Variants in ZC3H14 observed in about 807,000 individuals in gnomAD.
ZC3H14 encodes zinc finger CCCH-type containing 14.
A neutral mutation model predicts 92.4 loss-of-function variants in ZC3H14; 31 were observed. That is an observed-to-expected ratio of 0.34 (90% confidence interval 0.25 to 0.45). The LOEUF (loss-of-function observed/expected upper bound fraction) is 0.45, where lower values mean the gene tolerates loss of function less well. Among genes scored for constraint, ZC3H14 ranks in the 20% least tolerant of loss-of-function variants. The pLI, the probability that ZC3H14 is intolerant of heterozygous loss-of-function variation, is 1.00. For missense variants in ZC3H14, 781 were observed against 897.3 expected (o/e 0.87, Z 1.66); for synonymous variants, 321 against 300.9 (o/e 1.07, Z -0.69).
intron 9 of ZC3H14, among the ~76,000 whole-genome samples, chr14:88,579,200 T>A (rs1051343731): frequency 1.3e-5 from 2 of 152,210 alleles, no homozygotes; most frequent in African/African-American, 4.8e-5. Flanking sequence ...CATGAAACCT[T>A]ATGATTTCAG....
chr14:88,584,730 A>G (rs915025312), intron 9 of ZC3H14, among the ~76,000 whole-genome samples: 13 of 152,186 alleles, frequency 8.5e-5, no homozygotes, highest in Admixed American at 5.9e-4. Flanking sequence ...CAGTTCTTGC[A>G]TATTTTTCAT....
At position 88,578,113 on chromosome 14, in the gene ZC3H14, A is replaced by G; in HGVS notation, c.1252A>G (p.Lys418Glu). The G allele has an allele frequency of 6.2e-7, 1 of 1,614,140 alleles. No homozygotes were observed. Among genetic ancestry groups the G allele is most frequent in the Non-Finnish European group, 8.5e-7 (1 of 1,180,022 alleles). ...TCCCCCCATTAAAGAAGAGGAAACAAAAGGAGATTCTGTAGAAAAAAATCA... is the reference window on the plus strand; with the variant it reads ...TCCCCCCATTAAAGAAGAGGAAACAGAAGGAGATTCTGTAGAAAAAAATCA... ...ISPPIKEEET[K>E]GDSVEKNQGT... Residue 418 changes from lysine (K) to glutamate (E), a missense_variant, in exon 9 of 17, where the codon AAA becomes GAA. Coordinates refer to ENST00000251038, the MANE Select transcript of ZC3H14 (RefSeq NM_024824.5).
In ZC3H14 at chr14:88,625,566, TA is replaced by T; in HGVS notation, c.*13817del. The T allele has an allele frequency of 6.4e-6, 1 of 156,044 alleles. No homozygotes were observed. The allele number at this position is 156,044 out of a possible 1,614,324, so 9.7% of individuals were successfully genotyped here. A position where few individuals can be genotyped will look rare whatever the true frequency, so the allele number is the denominator to read the frequency against. ...ACAAGCGCCAGCCACCACGCCCGGC[TA>T]ATTTTTGTATTTTTAGTAGAGACAG... On this transcript the variant is annotated 3_prime_UTR_variant, in exon 17 of 17. Coordinates refer to ENST00000251038, the MANE Select transcript of ZC3H14 (RefSeq NM_024824.5).
At chr14:88,579,134 C>T (rs2081566132) in intron 9 of ZC3H14, among the ~76,000 whole-genome samples, 1 of 152,022 alleles carries the variant, frequency 6.6e-6, no homozygotes, top group African/African-American at 2.4e-5. Context: ...TTTTCAAGAA[C>T]CTTGGAATAT....
At chr14:88,575,987 T>TTA in intron 8 of ZC3H14, 47 bp downstream of exon 8, 2 of 1,483,818 alleles carry the variant, frequency 1.3e-6, no homozygotes, top group South Asian at 2.3e-5. Flanking sequence ...ATTTCTGTAA[T>TTA]TCTTGAGTAA....
At chr14:88,589,521 C>T (rs891108162) in intron 9 of ZC3H14, 1 of 152,170 alleles carries the variant, frequency 6.6e-6, no homozygotes, top group Non-Finnish European at 1.5e-5. Flanking sequence ...CTGAATTCCT[C>T]ATTTCTGTCC....
intron 1 of ZC3H14, 150 bp downstream of exon 1, chr14:88,563,319 G>A: frequency 6.6e-7 from 1 of 1,514,338 alleles, no homozygotes; most frequent in Non-Finnish European, 8.8e-7. Context: ...CGTCCAGGCC[G>A]CCTCGGCCCT....
At position 88,616,863 on chromosome 14, in the gene ZC3H14, C is replaced by T. The variant is rs1595176649; in HGVS notation, c.*5112C>T. ...GCATGTCTGGACCAGATTCCCAAAA[C>T]CTCATCTCCTAGAATACTAGAGGGA... On this transcript the variant is annotated 3_prime_UTR_variant, in exon 17 of 17. Transcript: ENST00000251038. 6.2e-7 allele frequency: 1 copy of T among 1,613,776 alleles called. No individual in the cohort carries two copies. The highest frequency in any genetic ancestry group is 8.5e-7 in the Non-Finnish European group (1 of 1,179,776).
At chr14:88,577,624 C>T (rs1380910454) in intron 8 of ZC3H14, among the ~76,000 whole-genome samples, 4 of 151,712 alleles carry the variant, frequency 2.6e-5, no homozygotes, top group South Asian at 2.1e-4. Flanking sequence ...CTGGAGTGCA[C>T]AGTGGTGCAA....
chr14:88,624,921 A>T lies in ZC3H14; in HGVS notation c.*13170A>T. 6.3e-7 allele frequency: 1 copy of T among 1,597,620 alleles called. No individual in the cohort carries two copies. The highest frequency in any genetic ancestry group is 8.5e-7 in the Non-Finnish European group (1 of 1,171,080). ...ACTAGAATAATTAACTGCAAACCTCAGGTAGGTCACAAATGCATAAATATT... is the reference window on the plus strand; with the variant it reads ...ACTAGAATAATTAACTGCAAACCTCTGGTAGGTCACAAATGCATAAATATT... On this transcript the variant is annotated 3_prime_UTR_variant, in exon 17 of 17. Transcript: ENST00000251038.
At position 88,617,079 on chromosome 14, in the gene ZC3H14, T is replaced by C; in HGVS notation, c.*5328T>C. ...CCTTTTAAAAATGACATTTTATAAT[T>C]TGAAGGGTTTCTAGATTAATCTTTT... is the stretch of plus-strand genomic sequence containing the variant. On this transcript the variant is annotated 3_prime_UTR_variant, in exon 17 of 17. Coordinates refer to ENST00000251038, the MANE Select transcript of ZC3H14 (RefSeq NM_024824.5). The C allele has an allele frequency of 2.2e-6, 1 of 461,018 alleles. No homozygotes were observed. The highest frequency in any genetic ancestry group is 3.8e-6 in the Non-Finnish European group (1 of 259,834). 28.6% of individuals were successfully genotyped at this position (461,018 alleles called of 1,614,324 possible).
rs548940196 is a variant in ZC3H14, at chr14:88,585,901, G to C, written c.1279+7761G>C. On this transcript the variant is annotated intron_variant, in intron 9 of 16. Transcript: ENST00000251038. ...TGCACAAGTTGGGCCGGGTGCGGTG[G>C]CTCATGCCTGTAATCCCAGCACTTT... Among the ~76,000 whole-genome samples, 9 of 152,282 alleles carry C rather than the reference G, an allele frequency of 5.9e-5. No individual in the cohort carries two copies. The East Asian group carries it at 1.7e-3, about 29-fold the overall frequency.
At chr14:88,592,263 T>C (rs1331461704) in intron 9 of ZC3H14, 2 of 152,174 alleles carry the variant, frequency 1.3e-5, no homozygotes, top group Non-Finnish European at 2.9e-5. Context: ...TGTTAACAGT[T>C]ACTATGGATG....
In ZC3H14 at chr14:88,574,713, A is replaced by G. The variant is rs764355330; in HGVS notation, c.882A>G (p.Arg294=). Residue 294 remains arginine (R), a synonymous_variant, in exon 7 of 17, where the codon AGA becomes AGG. Transcript: ENST00000251038. ...TGCAGGATGAAAACTTTCGGAAGAG[A>G]AAGTTGCCTGTGGTAAGTTCAGTTG... ...MSMEDENFRK[R]KLPVVSSVVK... 3 of 1,614,114 alleles carry G rather than the reference A, an allele frequency of 1.9e-6. No homozygotes were observed. The highest frequency in any genetic ancestry group is 2.2e-5 in the East Asian group (1 of 44,872).
chr14:88,597,529 C>T (rs781456442), intron 10 of ZC3H14, among the ~76,000 whole-genome samples: 5 of 152,180 alleles, frequency 3.3e-5, no homozygotes, highest in Admixed American at 6.5e-5. Context: ...GTCAGTCACT[C>T]TGTTCCCCGA....
At chr14:88,591,856 G>C (rs1462033618) in intron 9 of ZC3H14, 1 of 152,176 alleles carries the variant, frequency 6.6e-6, no homozygotes, top group East Asian at 1.9e-4. Context: ...TATCATGGGA[G>C]AGTCCTTGAG....
intron 9 of ZC3H14, among the ~76,000 whole-genome samples, chr14:88,593,152 G>A (rs570562489): frequency 1.3e-5 from 2 of 152,094 alleles, no homozygotes; most frequent in South Asian, 2.1e-4. Context: ...ATTTTTAGCA[G>A]AGACGGGATT....
At chr14:88,594,559 T>G in intron 9 of ZC3H14, 3 of 1,461,750 alleles carry the variant, frequency 2.1e-6, no homozygotes, top group Non-Finnish European at 2.7e-6. Flanking sequence ...CCCCATCTTT[T>G]GAATTACAGG....
At chr14:88,584,637 A>G (rs760755321) in intron 9 of ZC3H14, among the ~76,000 whole-genome samples, 1 of 152,190 alleles carries the variant, frequency 6.6e-6, no homozygotes, top group Non-Finnish European at 1.5e-5. Context: ...TTGAGTGTCC[A>G]CTTAAAATGC....
Sources: allele counts gnomAD v4.1 joint callset (sites outside exome capture counted in the v4.1 genomes callset), GRCh38; gene constraint gnomAD v4.1.1; transcripts MANE v1.5; gene names NCBI Gene and HGNC (gene_info 2026-07-23, HGNC 2026-07-21).